Variants in CAST observed in about 807,000 individuals in gnomAD.
CAST encodes the protein MIR583 host.
Under a neutral mutation model 119.6 loss-of-function variants are expected in CAST, and 76 were observed. The observed-to-expected ratio is 0.64, with a 90% CI of 0.53 to 0.77. The LOEUF is 0.77. CAST is among the 30% of genes least tolerant of loss of function. The pLI is 0.00. For missense variants in CAST, 953 were observed against 946.5 expected, an observed-to-expected ratio of 1.01 and a Z score of -0.09; for synonymous variants, 319 against 331.6, an observed-to-expected ratio of 0.96 and a Z score of 0.41.
At chr5:96,494,076 C>T in the CAST span, among the ~76,000 whole-genome samples, 1 of 152,132 alleles carries the variant, frequency 6.6e-6, no homozygotes. Flanking sequence ...TAAACTTATT[C>T]TAATCCCTCA....
the CAST span, among the ~76,000 whole-genome samples, chr5:96,517,669 G>T: frequency 6.6e-6 from 1 of 152,182 alleles, no homozygotes; most frequent in Non-Finnish European, 1.5e-5. Flanking sequence ...TTGCTCCATC[G>T]ATGAGCAGGA....
At chr5:96,558,822 A>C (rs1186164882) in intron 1 of CAST, among the ~76,000 whole-genome samples, 8 of 152,204 alleles carry the variant, frequency 5.3e-5, no homozygotes, top group Non-Finnish European at 8.8e-5. Flanking sequence ...ATTCCAATCA[A>C]TAGAAATAGA....
the CAST span, among the ~76,000 whole-genome samples, chr5:96,504,701 T>C: frequency 6.6e-6 from 1 of 152,316 alleles, no homozygotes; most frequent in South Asian, 2.1e-4. Context: ...CACACAGTTG[T>C]GCAACTGTCA....
At chr5:96,109,977 C>A in the CAST span, among the ~76,000 whole-genome samples, 3 of 151,310 alleles carry the variant, frequency 2.0e-5, no homozygotes, top group African/African-American at 7.3e-5. Flanking sequence ...TAGAAGAAAT[C>A]GAGTGGAAAT....
intron 3 of CAST, among the ~76,000 whole-genome samples, chr5:96,709,515 T>C (rs1755679716): frequency 6.6e-6 from 1 of 152,366 alleles, no homozygotes; most frequent in South Asian, 2.1e-4. Context: ...AGTATTCTCA[T>C]GTCTGGAACA....
the CAST span, among the ~76,000 whole-genome samples, chr5:96,459,386 C>A: frequency 6.6e-6 from 1 of 152,016 alleles, no homozygotes. Context: ...AACCATGTGG[C>A]ACAAAGTTAG....
intron 1 of CAST, among the ~76,000 whole-genome samples, chr5:96,650,728 TTGTGTGTGTGTGTG>T (rs34230121): frequency 5.6e-5 from 8 of 142,058 alleles, no homozygotes; most frequent in East Asian, 2.1e-4. Context: ...ACCCACTTAA[TTGTGTGTGTGTGTG>T]TGTGTGTGTG....
intron 1 of CAST, among the ~76,000 whole-genome samples, chr5:96,567,886 C>T (rs764996712): frequency 2.0e-5 from 3 of 152,092 alleles, no homozygotes; most frequent in Non-Finnish European, 4.4e-5. Flanking sequence ...CATTTTAAAG[C>T]CCCCTCATGA....
the CAST span, among the ~76,000 whole-genome samples, chr5:96,448,711 TA>T: frequency 6.6e-6 from 1 of 152,106 alleles, no homozygotes; most frequent in Non-Finnish European, 1.5e-5. Flanking sequence ...AGGTTTACCA[TA>T]TTCACATAAG....
At chr5:96,214,489 T>G in the CAST span, among the ~76,000 whole-genome samples, 10 of 152,182 alleles carry the variant, frequency 6.6e-5, no homozygotes, top group Admixed American at 6.5e-4. Flanking sequence ...TAAAACAAAA[T>G]TCTAGATCTT....
At chr5:96,462,601 T>C in the CAST span, among the ~76,000 whole-genome samples, 10 of 152,248 alleles carry the variant, frequency 6.6e-5, no homozygotes, top group Admixed American at 6.5e-4. Flanking sequence ...AGGTATCCAC[T>C]TCTCAATAAA....
chr5:96,346,565 T>C, the CAST span, among the ~76,000 whole-genome samples: 1 of 152,150 alleles, frequency 6.6e-6, no homozygotes, highest in African/African-American at 2.4e-5. Flanking sequence ...TCGTATATTC[T>C]ACCACTGGAT....
At chr5:96,659,729 C>T (rs758988007), upstream of CAST, among the ~76,000 whole-genome samples, 1 of 152,034 alleles carries the variant, frequency 6.6e-6, no homozygotes, top group Non-Finnish European at 1.5e-5. Context: ...GGGGTTTCGT[C>T]GTGTTGCCCA....
chr5:96,295,391 G>A, the CAST span, among the ~76,000 whole-genome samples: 1 of 152,144 alleles, frequency 6.6e-6, no homozygotes, highest in African/African-American at 2.4e-5. Flanking sequence ...AATCACTGAG[G>A]ACTTTATGCC....
intron 1 of CAST, among the ~76,000 whole-genome samples, chr5:96,563,816 G>C (rs967243197): frequency 2.0e-4 from 30 of 152,172 alleles, no homozygotes; most frequent in Admixed American, 8.5e-4. Context: ...AGAGGACATT[G>C]GTGAGGTCTT....
chr5:96,681,833 C>G (rs934709866), intron 2 of CAST, among the ~76,000 whole-genome samples: 2 of 148,602 alleles, frequency 1.3e-5, no homozygotes, highest in Non-Finnish European at 3.0e-5. Flanking sequence ...TTCATTATTT[C>G]TTTAATTATT....
At chr5:96,645,264 T>C (rs1748000708) in intron 1 of CAST, among the ~76,000 whole-genome samples, 1 of 152,164 alleles carries the variant, frequency 6.6e-6, no homozygotes, top group Admixed American at 6.5e-5. Flanking sequence ...TGGGGAAGAT[T>C]ATCACAGTGC....
At chr5:96,553,104 C>CA (rs760889566) in intron 1 of CAST, among the ~76,000 whole-genome samples, 91 of 151,538 alleles carry the variant, frequency 6.0e-4, no homozygotes, top group East Asian at 9.7e-4. Flanking sequence ...AGAGACACAA[C>CA]AAAAAAAAGA....
At chr5:96,122,105 C>G in the CAST span, among the ~76,000 whole-genome samples, 3 of 152,200 alleles carry the variant, frequency 2.0e-5, no homozygotes, top group East Asian at 1.9e-4. Context: ...GTGAGAACTA[C>G]TTCTATGATT....
Sources: gnomAD v4.1 joint callset for allele counts (sites outside exome capture counted in the v4.1 genomes callset) on GRCh38, gnomAD v4.1.1 for gene constraint, MANE v1.5 for transcripts, NCBI Gene and HGNC (gene_info 2026-07-23, HGNC 2026-07-21) for gene names.